Variants in MKX observed in about 807,000 individuals in gnomAD.
The protein encoded by MKX is homeobox protein Mohawk.
MKX carries 13 observed loss-of-function variants against 36.0 expected under a neutral mutation model. The ratio of observed to expected loss-of-function variants is 0.36; its 90% CI spans 0.24 to 0.57. The LOEUF is 0.57. Ranked by LOEUF, MKX falls within the 20% of genes least tolerant of loss-of-function variation. The probability of loss-of-function intolerance (pLI) is 0.79; values close to 1 mark genes in which losing one functional copy is unlikely to be tolerated. For missense variants in MKX, 458 were observed against 456.4 expected (o/e 1.00, Z -0.03); for synonymous variants, 176 against 178.3 (o/e 0.99, Z 0.10).
chr10:27,709,545 A>T (rs976053734), intron 5 of MKX, among the ~76,000 whole-genome samples: 3 of 152,216 alleles, frequency 2.0e-5, no homozygotes, highest in African/African-American at 4.8e-5. Flanking sequence ...TGGTAACAAT[A>T]GCAAAACAAG....
intron 5 of MKX, among the ~76,000 whole-genome samples, chr10:27,694,574 A>G (rs1030007036): frequency 6.7e-6 from 1 of 148,288 alleles, no homozygotes; most frequent in African/African-American, 2.5e-5. Context: ...GGGCGCCTGT[A>G]GTCCCAGCTA....
chr10:27,684,204 A>G (rs1250493038), intron 5 of MKX, among the ~76,000 whole-genome samples: 2 of 151,744 alleles, frequency 1.3e-5, no homozygotes, highest in Non-Finnish European at 2.9e-5. Flanking sequence ...AGTCCCAGCT[A>G]CTTGGAAGGC....
intron 5 of MKX, among the ~76,000 whole-genome samples, chr10:27,693,342 G>A (rs1262473742): frequency 6.6e-6 from 1 of 152,134 alleles, no homozygotes; most frequent in Non-Finnish European, 1.5e-5. Context: ...ATATGCAGGA[G>A]AGGTATTTCT....
At position 27,741,980 on chromosome 10, in the gene MKX, G is replaced by A. The variant is rs72797702; in HGVS notation, c.189-476C>T. ...GTCGCTTGTGGTCAGGGGAAAGGTC[G>A]CCGACTGGACATAGGGAATAAAGCA... On this transcript the variant is annotated intron_variant, in intron 2 of 6. Transcript: ENST00000419761. This position sits in a 1 kb window ranked among gnomAD's most constrained non-coding sequence, Gnocchi z 5.1. 5.3e-3 allele frequency among the ~76,000 whole-genome samples: 809 copies of A among 152,214 alleles called. 4 individuals carry two copies. The highest frequency in any genetic ancestry group is 8.9e-3 in the Non-Finnish European group (603 of 68,016).
intron 5 of MKX, among the ~76,000 whole-genome samples, chr10:27,717,208 G>A (rs1836982000): frequency 6.6e-6 from 1 of 152,134 alleles, no homozygotes; most frequent in Admixed American, 6.5e-5. Flanking sequence ...ATGACACCTT[G>A]ATGTCATCCT....
chr10:27,716,460 C>T (rs1310955895), intron 5 of MKX, among the ~76,000 whole-genome samples: 1 of 145,526 alleles, frequency 6.9e-6, no homozygotes, highest in Non-Finnish European at 1.5e-5. Flanking sequence ...AGCACACTGT[C>T]AATTGCCTGA....
intron 5 of MKX, among the ~76,000 whole-genome samples, chr10:27,711,495 C>CTTTCTTT (rs1363496557): frequency 1.5e-4 from 5 of 32,912 alleles, no homozygotes; most frequent in African/African-American, 5.2e-4. Context: ...CTCTCTCTCT[C>CTTTCTTT]TTCTTTCCTT....
intron 5 of MKX, among the ~76,000 whole-genome samples, chr10:27,710,393 G>A (rs545056280): frequency 5.8e-4 from 89 of 152,264 alleles, no homozygotes; most frequent in Non-Finnish European, 1.1e-3. Flanking sequence ...ACAAGGACTG[G>A]ATTCCCCCTC....
chr10:27,730,451 T>C (rs1487659491), intron 5 of MKX, among the ~76,000 whole-genome samples: 1 of 149,372 alleles, frequency 6.7e-6, no homozygotes, highest in Non-Finnish European at 1.5e-5. Context: ...ACACCAACTT[T>C]CAACTGGCTT....
Position 27,741,586 on chromosome 10 carries a change from C to A in MKX, c.189-82G>T. On this transcript the variant is annotated intron_variant, in intron 2 of 6. Transcript: ENST00000419761. The surrounding 1 kb of genome is among the most constrained non-coding windows in gnomAD (Gnocchi z 5.1). ...GCTCCACGCCCCGGCCAAGCCCGGG[C>A]CCCGCATCCAAACTGCGCATTCCTG... 4 of 1,457,228 alleles carry A rather than the reference C, an allele frequency of 2.7e-6. No homozygotes were observed. Among genetic ancestry groups the A allele is most frequent in the Non-Finnish European group, 3.6e-6 (4 of 1,105,380 alleles). 90.3% of individuals were successfully genotyped at this position (1,457,228 alleles called of 1,614,324 possible).
At chr10:27,692,853 G>A (rs1836479802) in intron 5 of MKX, among the ~76,000 whole-genome samples, 1 of 152,138 alleles carries the variant, frequency 6.6e-6, no homozygotes, top group Admixed American at 6.5e-5. Context: ...TTATTTCTAG[G>A]TCAGCCCTGC....
chr10:27,714,912 G>A (rs1589679263), intron 5 of MKX, among the ~76,000 whole-genome samples: 1 of 152,314 alleles, frequency 6.6e-6, no homozygotes, highest in South Asian at 2.1e-4. Context: ...GAAGTAAAGG[G>A]TGTAAGTCGA....
intron 3 of MKX, among the ~76,000 whole-genome samples, chr10:27,737,549 T>G (rs908862951): frequency 6.6e-6 from 1 of 152,134 alleles, no homozygotes; most frequent in Non-Finnish European, 1.5e-5. Context: ...CTAATATCCT[T>G]GCTAGCTCTA....
At chr10:27,685,574 G>A (rs9299859) in intron 5 of MKX, among the ~76,000 whole-genome samples, 32,332 of 151,168 alleles carry the variant, frequency 0.21, 5,662 homozygotes, top group East Asian at 0.55. Context: ...TCAGCCTCCC[G>A]AGTAGCTGGG....
At chr10:27,704,883 C>A (rs992246297) in intron 5 of MKX, among the ~76,000 whole-genome samples, 2 of 152,040 alleles carry the variant, frequency 1.3e-5, no homozygotes, top group African/African-American at 2.4e-5. Flanking sequence ...AGGAAAAAAT[C>A]TTTATTAAAA....
intron 5 of MKX, among the ~76,000 whole-genome samples, chr10:27,691,317 G>A (rs1363779906): frequency 2.0e-5 from 3 of 152,146 alleles, no homozygotes; most frequent in African/African-American, 4.8e-5. Context: ...CAGGTGTTCC[G>A]ATGTTGAGGG....
intron 5 of MKX, among the ~76,000 whole-genome samples, chr10:27,721,383 C>A (rs996112915): frequency 1.3e-5 from 2 of 152,128 alleles, no homozygotes; most frequent in African/African-American, 4.8e-5. Flanking sequence ...CCCAAATGCC[C>A]ATCAATGATA....
intron 5 of MKX, among the ~76,000 whole-genome samples, chr10:27,703,710 C>T (rs1836701157): frequency 6.6e-6 from 1 of 151,964 alleles, no homozygotes; most frequent in East Asian, 1.9e-4. Context: ...ACCAGCCTGG[C>T]CAACATGGTG....
At chr10:27,732,579 CTTAT>C (rs1834656272) in intron 5 of MKX, among the ~76,000 whole-genome samples, 1 of 151,958 alleles carries the variant, frequency 6.6e-6, no homozygotes, top group Non-Finnish European at 1.5e-5. Context: ...AGAGTCAACT[CTTAT>C]TTATTTTTCA....
Sources: allele counts gnomAD v4.1 joint callset (sites outside exome capture counted in the v4.1 genomes callset), GRCh38; gene constraint gnomAD v4.1.1; non-coding constraint Gnocchi (gnomAD v3.1); transcripts MANE v1.5; gene names NCBI Gene and HGNC (gene_info 2026-07-23, HGNC 2026-07-21).